The following XKR4 variants were observed in gnomAD, a reference collection of about 807,000 sequenced individuals.
The protein encoded by XKR4 is XK-related protein 4.
Under a neutral mutation model 53.9 loss-of-function variants are expected in XKR4, and 12 were observed. The ratio of observed to expected loss-of-function variants is 0.22; its 90% confidence interval spans 0.14 to 0.36. The LOEUF (loss-of-function observed/expected upper bound fraction) is 0.36. XKR4 is among the 10% of genes least tolerant of loss of function. The pLI is 1.00. For synonymous variants in XKR4, 354 were observed against 362.4 expected (o/e 0.98, Z 0.26); for missense variants, 799 against 859.5 (o/e 0.93, Z 0.88).
chr8:55,282,217 C>T (rs924479742), intron 1 of XKR4, among the ~76,000 whole-genome samples: 24 of 152,194 alleles, frequency 1.6e-4, no homozygotes, highest in African/African-American at 5.3e-4. Flanking sequence ...TATACAACAG[C>T]AGTCCCATAG....
At chr8:55,490,452 A>G (rs912461237) in intron 2 of XKR4, among the ~76,000 whole-genome samples, 4 of 152,140 alleles carry the variant, frequency 2.6e-5, no homozygotes, top group Non-Finnish European at 5.9e-5. Flanking sequence ...AAAACTCACC[A>G]TTGGGTACTA....
At chr8:55,383,058 CA>C (rs1213437849) in intron 2 of XKR4, among the ~76,000 whole-genome samples, 1 of 152,002 alleles carries the variant, frequency 6.6e-6, no homozygotes, top group African/African-American at 2.4e-5. Context: ...ACTAAAAATA[CA>C]AAAATTAGCC....
intron 1 of XKR4, among the ~76,000 whole-genome samples, chr8:55,187,305 CAAAAAA>C (rs1168014848): frequency 3.1e-5 from 3 of 95,846 alleles, no homozygotes; most frequent in East Asian, 3.1e-4. Context: ...TTTCCAGGAC[CAAAAAA>C]AAAAAAAAAA....
intron 2 of XKR4, among the ~76,000 whole-genome samples, chr8:55,435,388 CA>C (rs1258190899): frequency 1.3e-5 from 2 of 151,920 alleles, no homozygotes; most frequent in African/African-American, 4.8e-5. Flanking sequence ...GGGCATCTCT[CA>C]GACCCTGTGA....
At position 55,527,864 on chromosome 8, in the gene XKR4, G is replaced by C. The variant is rs1331798177; in HGVS notation, c.*3637G>C. 6.6e-6 allele frequency: 1 copy of C among 152,168 alleles called. No individual in the cohort carries two copies. Among genetic ancestry groups the C allele is most frequent in the Non-Finnish European group, 1.5e-5 (1 of 68,008 alleles). The allele number at this position is 152,168 out of a possible 1,614,324, so 9.4% of individuals were successfully genotyped here. A position where few individuals can be genotyped will look rare whatever the true frequency, so the allele number is the denominator to read the frequency against. On this transcript the variant is annotated 3_prime_UTR_variant, in exon 3 of 3. Transcript: ENST00000327381. ...AATTTATTTTGCTCTATGAGTAAAG[G>C]AAGTGATTGCACAGAACAATTAAAA...
chr8:55,293,266 C>T (rs1017864373), intron 1 of XKR4, among the ~76,000 whole-genome samples: 1 of 151,920 alleles, frequency 6.6e-6, no homozygotes, highest in Non-Finnish European at 1.5e-5. Flanking sequence ...ACCCAAGAGG[C>T]AAAGGTTGCA....
chr8:55,267,018 T>G (rs976064139), intron 1 of XKR4, among the ~76,000 whole-genome samples: 9 of 152,156 alleles, frequency 5.9e-5, no homozygotes, highest in African/African-American at 2.2e-4. Flanking sequence ...CAGGTAATAT[T>G]TTAATAATTA....
Position 55,229,568 on chromosome 8 carries a change from G to T in XKR4, c.806+126274G>T, listed in dbSNP as rs146317881. ...GGGTGGATATAATTAAGAAAGGAAA[G>T]AATTGAACATTATTTCTTTCATGTA... On this transcript the variant is annotated intron_variant, in intron 1 of 2. Transcript: ENST00000327381. 2.2e-3 allele frequency among the ~76,000 whole-genome samples: 331 copies of T among 152,326 alleles called. 2 individuals carry two copies. Among genetic ancestry groups the T allele is most frequent in the South Asian group, 8.1e-3 (39 of 4,828 alleles).
At chr8:55,499,901 A>C (rs1806409852) in intron 2 of XKR4, among the ~76,000 whole-genome samples, 1 of 152,158 alleles carries the variant, frequency 6.6e-6, no homozygotes, top group South Asian at 2.1e-4. Context: ...CTCAATCCCT[A>C]GGTGTGCCCT....
chr8:55,507,098 A>G (rs146968048), intron 2 of XKR4, among the ~76,000 whole-genome samples: 1 of 152,192 alleles, frequency 6.6e-6, no homozygotes, highest in Non-Finnish European at 1.5e-5. Context: ...AATAAGCTTA[A>G]TGGGGACTAT....
intron 2 of XKR4, among the ~76,000 whole-genome samples, chr8:55,492,486 AC>A (rs1806285436): frequency 6.6e-6 from 1 of 152,264 alleles, no homozygotes; most frequent in South Asian, 2.1e-4. Context: ...GAAAACAGTC[AC>A]CATCCCCATT....
At chr8:55,430,000 A>G (rs557107294) in intron 2 of XKR4, among the ~76,000 whole-genome samples, 146 of 152,346 alleles carry the variant, frequency 9.6e-4, no homozygotes, top group African/African-American at 3.3e-3. Flanking sequence ...ACATTTCACC[A>G]AAGAGGATAT....
chr8:55,189,561 C>T (rs940700052), intron 1 of XKR4, among the ~76,000 whole-genome samples: 3 of 152,174 alleles, frequency 2.0e-5, no homozygotes, highest in Non-Finnish European at 2.9e-5. Flanking sequence ...GCAGTTGTAA[C>T]GCTGTGGTAC....
chr8:55,511,042 G>C (rs1366882516), intron 2 of XKR4, among the ~76,000 whole-genome samples: 3 of 152,162 alleles, frequency 2.0e-5, no homozygotes, highest in Non-Finnish European at 4.4e-5. Context: ...TGCTGGGCTT[G>C]AAAGCACAAT....
chr8:55,317,645 G>T (rs1803111452), intron 1 of XKR4, among the ~76,000 whole-genome samples: 1 of 152,200 alleles, frequency 6.6e-6, no homozygotes, highest in African/African-American at 2.4e-5. Flanking sequence ...CTCAGTCCAT[G>T]CTAGGCCCAG....
intron 2 of XKR4, among the ~76,000 whole-genome samples, chr8:55,397,712 C>A (rs958613811): frequency 1.3e-5 from 2 of 152,182 alleles, no homozygotes; most frequent in African/African-American, 4.8e-5. Context: ...CATTCTAAGT[C>A]CCATTGTCAC....
At chr8:55,337,773 A>G (rs1395980483) in intron 1 of XKR4, among the ~76,000 whole-genome samples, 1 of 152,238 alleles carries the variant, frequency 6.6e-6, no homozygotes, top group African/African-American at 2.4e-5. Flanking sequence ...AAGGCTTTTT[A>G]AAGGAATACC....
chr8:55,359,785 T>C (rs1803873122), intron 2 of XKR4, among the ~76,000 whole-genome samples: 1 of 151,698 alleles, frequency 6.6e-6, no homozygotes, highest in Non-Finnish European at 1.5e-5. Flanking sequence ...TTAAGGACGA[T>C]ACATAAAATT....
chr8:55,209,756 C>G lies in XKR4; in HGVS notation c.806+106462C>G, dbSNP rs185474257. On this transcript the variant is annotated intron_variant, in intron 1 of 2. Coordinates refer to ENST00000327381, the MANE Select transcript of XKR4 (RefSeq NM_052898.2). ...GCCAGGAGGCCCATCCTCTTCTTTTCACATCACAACACACATCCCATCCCT... is the reference window on the plus strand; with the variant it reads ...GCCAGGAGGCCCATCCTCTTCTTTTGACATCACAACACACATCCCATCCCT... Among the ~76,000 whole-genome samples, 130 of 152,328 alleles carry G rather than the reference C, an allele frequency of 8.5e-4. 1 individual carries two copies. Among genetic ancestry groups the G allele is most frequent in the African/African-American group, 3.1e-3 (127 of 41,578 alleles).
Sources: gnomAD v4.1 joint callset for allele counts (sites outside exome capture counted in the v4.1 genomes callset) on GRCh38, gnomAD v4.1.1 for gene constraint, MANE v1.5 for transcripts, NCBI Gene and HGNC (gene_info 2026-07-23, HGNC 2026-07-21) for gene names.